Variants in GRHL2 observed in about 807,000 individuals in gnomAD.
The protein encoded by GRHL2 is grainyhead-like protein 2 homolog.
Under a neutral mutation model 83.8 loss-of-function variants are expected in GRHL2, and 21 were observed. The ratio of observed to expected loss-of-function variants is 0.25; its 90% CI spans 0.18 to 0.36. The LOEUF is 0.36. GRHL2 is among the 10% of genes least tolerant of loss of function. GRHL2 has a pLI of 1.00. For missense variants in GRHL2, 623 were observed against 781.8 expected (o/e 0.80, Z 2.42); for synonymous variants, 280 against 278.9 (o/e 1.00, Z -0.04).
chr8:101,602,494 T>C (rs1812537137), intron 8 of GRHL2, among the ~76,000 whole-genome samples: 1 of 152,240 alleles, frequency 6.6e-6, no homozygotes, highest in Non-Finnish European at 1.5e-5. Flanking sequence ...TACAGCCTTT[T>C]GATGGTCCAC....
intron 3 of GRHL2, among the ~76,000 whole-genome samples, chr8:101,553,192 T>C (rs1811420697): frequency 6.6e-6 from 1 of 152,218 alleles, no homozygotes; most frequent in African/African-American, 2.4e-5. Context: ...GTTGGGCTCT[T>C]TCTCAGCCAA....
chr8:101,536,797 G>A (rs993560909), intron 1 of GRHL2, among the ~76,000 whole-genome samples: 1 of 152,090 alleles, frequency 6.6e-6, no homozygotes, highest in Admixed American at 6.5e-5. Context: ...TTACATTCAG[G>A]GGTACATGTG....
intron 7 of GRHL2, among the ~76,000 whole-genome samples, chr8:101,578,106 T>A (rs1811969574): frequency 6.6e-6 from 1 of 152,144 alleles, no homozygotes; most frequent in Admixed American, 6.5e-5. Flanking sequence ...GGATGGCACA[T>A]CACTCGGGGT....
At chr8:101,574,898 T>C (rs605019) in intron 6 of GRHL2, among the ~76,000 whole-genome samples, 152,182 of 152,386 alleles carry the variant, frequency 1, 75,992 homozygotes, top group African/African-American at 1. Flanking sequence ...CTGACAACAA[T>C]CCTATGAAAA....
At chr8:101,629,552 A>G (rs145570409) in intron 9 of GRHL2, among the ~76,000 whole-genome samples, 1 of 152,082 alleles carries the variant, frequency 6.6e-6, no homozygotes, top group Non-Finnish European at 1.5e-5. Flanking sequence ...CCCTTTCCTC[A>G]TAAATAGTAC....
chr8:101,664,698 G>A (rs974412583), intron 15 of GRHL2, among the ~76,000 whole-genome samples, 180 bp downstream of exon 15: 1 of 152,102 alleles, frequency 6.6e-6, no homozygotes, highest in Non-Finnish European at 1.5e-5. Context: ...AGAGAGGGAG[G>A]GAGGGAGGCA....
chr8:101,554,063 A>G (rs1387564840), intron 3 of GRHL2, among the ~76,000 whole-genome samples: 3 of 152,220 alleles, frequency 2.0e-5, no homozygotes, highest in Non-Finnish European at 2.9e-5. Context: ...ATGTGTCAGA[A>G]TCTGACCTGG....
At position 101,549,926 on chromosome 8, in the gene GRHL2, T is replaced by C. The variant is rs548244160; in HGVS notation, c.217-2789T>C. Among the ~76,000 whole-genome samples the C allele has an allele frequency of 2.5e-4, 38 of 151,972 alleles. No individual in the cohort carries two copies. In the South Asian group the frequency reaches 7.5e-3, roughly 30 times the overall value. ...GGGGTATTAAATTTTTAAAACACTA[T>C]AGGAATAACTATATTTTAGGAAAGA... On this transcript the variant is annotated intron_variant, in intron 2 of 15. Coordinates refer to ENST00000646743, the MANE Select transcript of GRHL2 (RefSeq NM_024915.4).
At chr8:101,603,074 A>T (rs570225112) in intron 8 of GRHL2, among the ~76,000 whole-genome samples, 74 of 144,572 alleles carry the variant, frequency 5.1e-4, no homozygotes, top group African/African-American at 2.0e-3. Context: ...CAAGATGTTT[A>T]AAAAAAAAAC....
intron 7 of GRHL2, 150 bp from the exon 8 acceptor site, chr8:101,598,907 A>G: frequency 1.5e-6 from 1 of 652,846 alleles, no homozygotes; most frequent in African/African-American, 1.8e-5. Flanking sequence ...GTAAAAGAAC[A>G]TCAGTGAGCA....
At chr8:101,533,396 G>T (rs2130090009) in intron 1 of GRHL2, among the ~76,000 whole-genome samples, 1 of 152,188 alleles carries the variant, frequency 6.6e-6, no homozygotes, top group African/African-American at 2.4e-5. Flanking sequence ...TTCCTCAATG[G>T]CAATGGAGCT....
rs1173070092 is a variant in GRHL2, at chr8:101,558,718, C to T, written c.584C>T (p.Pro195Leu). ...TTTGAACAGACTCAGTATGACGTGC[C>T]CTCGCTGGCCACCCACAGCGCCTAT... is the stretch of plus-strand genomic sequence containing the variant. ...VIFEQTQYDVPSLATHSAYLK... is the reference protein window; with the variant it reads ...VIFEQTQYDVLSLATHSAYLK... Residue 195 changes from proline (P) to leucine (L), a missense_variant, in exon 4 of 16, where the codon CCC (proline) becomes CTC (leucine). Pro to Leu is a moderately conservative substitution (Grantham distance 98, BLOSUM62 -3). Transcript: ENST00000646743. 1 of 1,614,088 alleles carries T rather than the reference C, an allele frequency of 6.2e-7. No homozygotes were observed. Among genetic ancestry groups the T allele is most frequent in the Admixed American group, 1.7e-5 (1 of 60,014 alleles).
chr8:101,631,270 A>G (rs948216538), intron 9 of GRHL2, among the ~76,000 whole-genome samples: 1 of 152,262 alleles, frequency 6.6e-6, no homozygotes, highest in Non-Finnish European at 1.5e-5. Flanking sequence ...TAATGGGTCA[A>G]TGATTCATCT....
intron 4 of GRHL2, among the ~76,000 whole-genome samples, chr8:101,568,256 G>A (rs778125566): frequency 3.9e-5 from 6 of 152,234 alleles, no homozygotes; most frequent in Non-Finnish European, 8.8e-5. Context: ...TTGGGCAGCA[G>A]GACCTACATT....
At chr8:101,498,295 T>C (rs1477026828) in intron 1 of GRHL2, among the ~76,000 whole-genome samples, 1 of 152,098 alleles carries the variant, frequency 6.6e-6, no homozygotes, top group Non-Finnish European at 1.5e-5. Context: ...ATTTTTTGTA[T>C]TTTTAATAGA....
At chr8:101,574,813 A>G (rs1416532735) in intron 6 of GRHL2, among the ~76,000 whole-genome samples, 2 of 152,222 alleles carry the variant, frequency 1.3e-5, no homozygotes, top group Non-Finnish European at 2.9e-5. Flanking sequence ...AGAGTCATAA[A>G]ATAACAATTT....
Position 101,592,082 on chromosome 8 carries a change from A to ACTTT in GRHL2, c.1004-6962_1004-6959dup, listed in dbSNP as rs1245555585. ...GTAGGACCTTAATGACAGGTACAGCACTTTCTTTCTTTCTTTTCTTTTTTT... is the reference window on the plus strand; with the variant it reads ...GTAGGACCTTAATGACAGGTACAGCACTTTCTTTCTTTCTTTCTTTTCTTTTTTT... On this transcript the variant is annotated intron_variant, in intron 7 of 15. Coordinates refer to ENST00000646743, the MANE Select transcript of GRHL2 (RefSeq NM_024915.4). Among the ~76,000 whole-genome samples the ACTTT allele has an allele frequency of 2.4e-3, 330 of 140,166 alleles. 1 individual carries two copies. Among genetic ancestry groups the ACTTT allele is most frequent in the African/African-American group, 8.5e-3 (311 of 36,698 alleles). 92.0% of individuals were successfully genotyped at this position (140,166 alleles called of 152,430 possible).
intron 4 of GRHL2, among the ~76,000 whole-genome samples, chr8:101,567,998 C>A (rs950757615): frequency 3.9e-5 from 6 of 152,102 alleles, no homozygotes; most frequent in African/African-American, 1.4e-4. Flanking sequence ...ATCATATTAC[C>A]CTCCTACTCC....
intron 7 of GRHL2, among the ~76,000 whole-genome samples, chr8:101,583,677 C>T (rs1172622358): frequency 6.6e-6 from 1 of 152,052 alleles, no homozygotes; most frequent in African/African-American, 2.4e-5. Flanking sequence ...AAATGGATCA[C>T]AAATAAAAAA....
Sources: allele counts gnomAD v4.1 joint callset (sites outside exome capture counted in the v4.1 genomes callset), GRCh38; gene constraint gnomAD v4.1.1; transcripts MANE v1.5; gene names NCBI Gene and HGNC (gene_info 2026-07-23, HGNC 2026-07-21).